WDR43: variants seen among roughly 807,000 people sequenced by gnomAD.
WDR43 encodes WD repeat domain 43.
A neutral mutation model predicts 91.4 loss-of-function variants in WDR43; 13 were observed. The observed-to-expected ratio is 0.14, with a 90% CI of 0.09 to 0.23. WDR43 has a LOEUF of 0.23. Among genes scored for constraint, WDR43 ranks in the 10% least tolerant of loss-of-function variants. The probability of loss-of-function intolerance (pLI) is 1.00; values close to 1 mark genes in which losing one functional copy is unlikely to be tolerated. For synonymous variants in WDR43, 331 were observed against 287.9 expected, an observed-to-expected ratio of 1.15 and a Z score of -1.51; for missense variants, 780 against 809.4, an observed-to-expected ratio of 0.96 and a Z score of 0.44.
rs1670584393 is a variant in WDR43, at chr2:28,901,974, T to C, written c.226-13T>C. The stretch of plus-strand genomic sequence containing the variant: ...CAATACTAAATAAAAACATTGTTTT[T>C]CTTTTTTTCCAGGAAAGTCCCCAGA... On this transcript the variant is annotated splice_polypyrimidine_tract_variant and intron_variant, in intron 1 of 17. Coordinates refer to ENST00000407426, the MANE Select transcript of WDR43 (RefSeq NM_015131.3). The C allele has an allele frequency of 7.6e-6, 12 of 1,580,996 alleles. No individual in the cohort carries two copies. The highest frequency in any genetic ancestry group is 9.4e-6 in the Non-Finnish European group (11 of 1,170,032).
At position 28,905,596 on chromosome 2, in the gene WDR43, A is replaced by G. The variant is rs139999959; in HGVS notation, c.364-864A>G. 5.3e-3 allele frequency among the ~76,000 whole-genome samples: 788 copies of G among 149,154 alleles called. 6 individuals carry two copies. The highest frequency in any genetic ancestry group is 0.018 in the African/African-American group (748 of 40,560). ...CTTGGGGTGTGGAAGTAGTTTATTT[A>G]TTTATTTTTAAACAGGAGAAGGAAA... On this transcript the variant is annotated intron_variant, in intron 2 of 17. Transcript: ENST00000407426.
At chr2:28,943,949 A>G (rs1461064054) in intron 16 of WDR43, among the ~76,000 whole-genome samples, 2 of 152,148 alleles carry the variant, frequency 1.3e-5, no homozygotes, top group Non-Finnish European at 2.9e-5. Context: ...ATATCCTTCC[A>G]TTCATCAAGT....
chr2:28,938,244 C>T (rs1378439537), intron 14 of WDR43, among the ~76,000 whole-genome samples: 1 of 152,052 alleles, frequency 6.6e-6, no homozygotes, highest in Non-Finnish European at 1.5e-5. Flanking sequence ...GAGATCTTTA[C>T]AAATACAGAA....
intron 4 of WDR43, 115 bp from the exon 5 acceptor site, chr2:28,913,954 C>A: frequency 8.4e-7 from 1 of 1,190,676 alleles, no homozygotes; most frequent in Non-Finnish European, 1.2e-6. Context: ...GTTACTTCAT[C>A]GTGGAGCTCT....
intron 5 of WDR43, among the ~76,000 whole-genome samples, chr2:28,915,997 TTGTACCTAAATTTTAAA>T (rs1452044113): frequency 6.6e-6 from 1 of 152,218 alleles, no homozygotes; most frequent in Non-Finnish European, 1.5e-5. Context: ...TTTTTAAAAT[TTGTACCTAAATTTTAAA>T]AACAGCTATA....
At chr2:28,941,438 C>T in intron 14 of WDR43, 23 bp from the exon 15 acceptor site, 1 of 1,577,620 alleles carries the variant, frequency 6.3e-7, no homozygotes, top group Non-Finnish European at 8.7e-7. Context: ...TTAATAGTGC[C>T]AAATGATCAT....
chr2:28,933,084 C>A (rs147901086), intron 11 of WDR43, among the ~76,000 whole-genome samples: 6 of 152,192 alleles, frequency 3.9e-5, no homozygotes, highest in African/African-American at 1.2e-4. Context: ...ATATTTAATC[C>A]ATTCTCAATT....
intron 6 of WDR43, among the ~76,000 whole-genome samples, chr2:28,919,696 C>T (rs1373802377): frequency 6.6e-6 from 1 of 151,912 alleles, no homozygotes; most frequent in Non-Finnish European, 1.5e-5. Flanking sequence ...CACTTAATTA[C>T]AATAATGATT....
At position 28,935,508 on chromosome 2, in the gene WDR43, T is replaced by C. The variant is rs1291607826; in HGVS notation, c.1438-13T>C. The C allele has an allele frequency of 1.3e-6, 2 of 1,565,490 alleles. No homozygotes were observed. On this transcript the variant is annotated splice_polypyrimidine_tract_variant and intron_variant, in intron 11 of 17. Coordinates refer to ENST00000407426, the MANE Select transcript of WDR43 (RefSeq NM_015131.3). Reference sequence around the variant, plus strand: ...AGTATGCTCATCTTAATAATCCTTTTATTTTCTCACAGAAAGTACTTCAAA... The same window carrying C: ...AGTATGCTCATCTTAATAATCCTTTCATTTTCTCACAGAAAGTACTTCAAA...
Position 28,922,861 on chromosome 2 carries a change from A to G in WDR43, c.850-58A>G, listed in dbSNP as rs1671060874. 3 of 1,341,922 alleles carry G rather than the reference A, an allele frequency of 2.2e-6. No individual in the cohort carries two copies. The South Asian group carries it at 4.6e-5, about 21-fold the overall frequency. 83.1% of individuals were successfully genotyped at this position (1,341,922 alleles called of 1,614,324 possible). ...AAGGACAGCTGAGTTTTCATAAGGT[A>G]GATTGGGGACTGGAGTATGTTATCC... On this transcript the variant is annotated intron_variant, in intron 6 of 17. Transcript: ENST00000407426.
chr2:28,915,585 ACC>A (rs1320588288), intron 5 of WDR43, among the ~76,000 whole-genome samples: 21 of 152,208 alleles, frequency 1.4e-4, no homozygotes, highest in Admixed American at 1.4e-3. Context: ...CTTAAAATTA[ACC>A]ACACACACAA....
At chr2:28,903,334 G>A (rs1284446917) in intron 2 of WDR43, among the ~76,000 whole-genome samples, 1 of 151,964 alleles carries the variant, frequency 6.6e-6, no homozygotes, top group African/African-American at 2.4e-5. Flanking sequence ...GAGCCAAAGG[G>A]TTGCTATATA....
chr2:28,936,431 A>G (rs1558382711), intron 12 of WDR43, among the ~76,000 whole-genome samples: 1 of 152,206 alleles, frequency 6.6e-6, no homozygotes, highest in Non-Finnish European at 1.5e-5. Context: ...AGTGTCTTGT[A>G]TAGAAAAGGG....
chr2:28,921,131 AT>A (rs35903168), intron 6 of WDR43, among the ~76,000 whole-genome samples: 40,365 of 147,350 alleles, frequency 0.27, 6,391 homozygotes, highest in East Asian at 0.77. Flanking sequence ...TTTAAAAAAA[AT>A]TTTTTTTTTT....
intron 14 of WDR43, among the ~76,000 whole-genome samples, chr2:28,941,256 A>AT (rs1361906097): frequency 6.6e-6 from 1 of 151,826 alleles, no homozygotes; most frequent in African/African-American, 2.4e-5. Context: ...TAAGCCTATT[A>AT]TTTTTTCCTC....
At chr2:28,912,480 C>A in intron 3 of WDR43, 110 bp from the exon 4 acceptor site, 1 of 1,344,662 alleles carries the variant, frequency 7.4e-7, no homozygotes, top group South Asian at 1.4e-5. Flanking sequence ...TGTCACAGGA[C>A]CTGAGGCGAT....
intron 11 of WDR43, among the ~76,000 whole-genome samples, chr2:28,930,995 A>C (rs902780523): frequency 3.9e-5 from 6 of 152,178 alleles, no homozygotes; most frequent in Admixed American, 3.3e-4. Context: ...GTTGCACCTC[A>C]AAAAAGTAAT....
chr2:28,913,233 C>T (rs1009166813), intron 4 of WDR43, among the ~76,000 whole-genome samples: 3 of 152,104 alleles, frequency 2.0e-5, no homozygotes, highest in African/African-American at 4.8e-5. Flanking sequence ...GGATTACAGG[C>T]GTGAGCCACC....
chr2:28,917,073 T>C (rs1269263848), intron 5 of WDR43, among the ~76,000 whole-genome samples: 3 of 152,084 alleles, frequency 2.0e-5, no homozygotes, highest in Non-Finnish European at 4.4e-5. Context: ...CCGTTGTAAT[T>C]AGTGAAATCT....
Sources: gnomAD v4.1 joint callset for allele counts (sites outside exome capture counted in the v4.1 genomes callset) on GRCh38, gnomAD v4.1.1 for gene constraint, MANE v1.5 for transcripts, NCBI Gene and HGNC (gene_info 2026-07-23, HGNC 2026-07-21) for gene names.